The following SNX9 variants were observed in gnomAD, a reference collection of about 807,000 sequenced individuals.
The protein encoded by SNX9 is sorting nexin-9.
Under a neutral mutation model 89.4 loss-of-function variants are expected in SNX9, and 44 were observed. That is an observed-to-expected ratio of 0.49 (90% CI 0.39 to 0.63). SNX9 has a LOEUF of 0.63. SNX9 is among the 30% of genes least tolerant of loss of function. The pLI, the probability that SNX9 is intolerant of heterozygous loss-of-function variation, is 0.00. For synonymous variants in SNX9, 236 were observed against 247.8 expected (o/e 0.95, Z 0.45); for missense variants, 578 against 736.1 (o/e 0.79, Z 2.49).
rs1784077749 is a variant in SNX9 at position 157,943,163 on chromosome 6, CTTATAAA to C, written c.*332_*338del. On this transcript the variant is annotated 3_prime_UTR_variant, in exon 18 of 18. Coordinates refer to ENST00000392185, the MANE Select transcript of SNX9 (RefSeq NM_016224.5). ...TTACATAGAGTCATAATTTATATGT[CTTATAAA>C]TTATAAGTCTTATATAATTTATAAG... is the stretch of plus-strand genomic sequence containing the variant. 4.8e-6 allele frequency: 1 copy of C among 206,724 alleles called. No individual in the cohort carries two copies. The highest frequency in any genetic ancestry group is 9.5e-6 in the Non-Finnish European group (1 of 104,900). The allele number at this position is 206,724 out of a possible 1,614,324, so 12.8% of individuals were successfully genotyped here.
rs548835687 is a variant in SNX9, at chr6:157,878,479, G to A, written c.300+3303G>A. On this transcript the variant is annotated intron_variant, in intron 4 of 17. Transcript: ENST00000392185. Reference sequence around the variant, plus strand: ...GAGTCTCGCTCAGTCGCTCAGGCTGGAGTGCAGTGGCGTGATGTCAGCTCA... The same window carrying A: ...GAGTCTCGCTCAGTCGCTCAGGCTGAAGTGCAGTGGCGTGATGTCAGCTCA... Among the ~76,000 whole-genome samples, 15 of 151,178 alleles carry A rather than the reference G, an allele frequency of 9.9e-5. No homozygotes were observed. The South Asian group carries it at 2.3e-3, about 23-fold the overall frequency.
chr6:157,848,832 G>T (rs954539528), intron 1 of SNX9, among the ~76,000 whole-genome samples: 1 of 152,222 alleles, frequency 6.6e-6, no homozygotes, highest in Non-Finnish European at 1.5e-5. Flanking sequence ...GGATAGATAC[G>T]TAACCGATTT....
At chr6:157,895,128 T>C (rs1311302195) in intron 4 of SNX9, among the ~76,000 whole-genome samples, 1 of 152,216 alleles carries the variant, frequency 6.6e-6, no homozygotes, top group Non-Finnish European at 1.5e-5. Flanking sequence ...TTGTTGACTT[T>C]GAGGTGAGAT....
At position 157,867,579 on chromosome 6, in the gene SNX9, T is replaced by C. The variant is rs932400046; in HGVS notation, c.45T>C (p.Pro15=). ...ARVMYDFAAE[P]GNNELTVNEG... ...TTATGTATGATTTTGCTGCTGAACC[T>C]GGAAATAATGAACTGACGGTTAATG... Residue 15 remains proline (P), a synonymous_variant, in exon 2 of 18, where the codon CCT becomes CCC. Transcript: ENST00000392185. 3 of 1,612,828 alleles carry C rather than the reference T, an allele frequency of 1.9e-6. No individual in the cohort carries two copies. In the African/African-American group the frequency reaches 4.0e-5, roughly 22 times the overall value.
rs747690103 is a variant in SNX9 at position 157,873,056 on chromosome 6, C to G, written c.100-46C>G. ...CACACAAAATTTCTCCAGGAAATCT[C>G]AACTGTAATCTTTTTCTTTTTTTTT... On this transcript the variant is annotated intron_variant, in intron 2 of 17. Coordinates refer to ENST00000392185, the MANE Select transcript of SNX9 (RefSeq NM_016224.5). 3.4e-6 allele frequency: 5 copies of G among 1,464,700 alleles called. 1 individual carries two copies. The highest frequency in any genetic ancestry group is 4.4e-5 in the Admixed American group (2 of 45,896). The allele number at this position is 1,464,700 out of a possible 1,614,324, so 90.7% of individuals were successfully genotyped here.
intron 9 of SNX9, among the ~76,000 whole-genome samples, chr6:157,911,561 G>A (rs1274504251): frequency 6.6e-6 from 1 of 152,160 alleles, no homozygotes; most frequent in Non-Finnish European, 1.5e-5. Context: ...TCACAGATAG[G>A]CATTTTCATC....
intron 10 of SNX9, among the ~76,000 whole-genome samples, chr6:157,923,951 C>A (rs1562619846): frequency 6.6e-6 from 1 of 152,288 alleles, no homozygotes; most frequent in South Asian, 2.1e-4. Context: ...GTTTTTAAAA[C>A]ATGTCCCAGG....
At chr6:157,873,919 C>T (rs183845441) in intron 3 of SNX9, among the ~76,000 whole-genome samples, 1,547 of 152,240 alleles carry the variant, frequency 0.01, 7 homozygotes, top group Non-Finnish European at 0.011. Context: ...AACCACCTGG[C>T]GCCCCCTGCT....
chr6:157,838,157 C>T (rs915907577), intron 1 of SNX9, among the ~76,000 whole-genome samples: 1 of 151,952 alleles, frequency 6.6e-6, no homozygotes, highest in Non-Finnish European at 1.5e-5. Flanking sequence ...GGACTACAGG[C>T]ATGCATCACC....
chr6:157,837,247 C>T (rs1177091541), intron 1 of SNX9, among the ~76,000 whole-genome samples: 1 of 152,142 alleles, frequency 6.6e-6, no homozygotes, highest in Non-Finnish European at 1.5e-5. Context: ...TGCAAAATGT[C>T]TCAACACTGT....
chr6:157,878,547 G>A (rs971591321), intron 4 of SNX9, among the ~76,000 whole-genome samples: 2 of 151,098 alleles, frequency 1.3e-5, no homozygotes, highest in East Asian at 1.9e-4. Context: ...ATTCTCCTGC[G>A]TCAATCTCCT....
At chr6:157,825,252 A>G (rs1032294125) in intron 1 of SNX9, among the ~76,000 whole-genome samples, 2 of 152,114 alleles carry the variant, frequency 1.3e-5, no homozygotes, top group Non-Finnish European at 2.9e-5. Context: ...CGTTTGAAAA[A>G]AGAAAAGACG....
intron 1 of SNX9, among the ~76,000 whole-genome samples, chr6:157,863,000 C>T (rs765089077): frequency 6.6e-6 from 1 of 152,316 alleles, no homozygotes; most frequent in South Asian, 2.1e-4. Context: ...GTCCTTCAAA[C>T]AGGACACTGT....
intron 1 of SNX9, among the ~76,000 whole-genome samples, chr6:157,855,217 A>G (rs1314734373): frequency 6.6e-6 from 1 of 152,206 alleles, no homozygotes; most frequent in African/African-American, 2.4e-5. Flanking sequence ...CCACACCAGA[A>G]AAGTAAGCAA....
At chr6:157,926,097 T>C (rs1326035610) in intron 10 of SNX9, among the ~76,000 whole-genome samples, 1 of 152,202 alleles carries the variant, frequency 6.6e-6, no homozygotes, top group Admixed American at 6.5e-5. Context: ...CTCTTAATAT[T>C]ATCACATTGG....
In SNX9 at chr6:157,909,742, C is replaced by T; in HGVS notation, c.783C>T (p.Ser261=). Residue 261 remains serine, a synonymous_variant, in exon 8 of 18, where the codon TCC becomes TCT. Transcript: ENST00000392185. ...TGGTAGCAGATCCCAGGAAAGGCTC[C>T]AAAATGTATGGTCTAAAGAGCTACA... ...DCVVADPRKG[S]KMYGLKSYIE... The T allele has an allele frequency of 6.2e-7, 1 of 1,614,152 alleles. No homozygotes were observed.
At chr6:157,864,603 A>G (rs16900476) in intron 1 of SNX9, among the ~76,000 whole-genome samples, 19,145 of 152,190 alleles carry the variant, frequency 0.13, 1,957 homozygotes, top group African/African-American at 0.28. Context: ...CAGGTTCCTC[A>G]TGCCCGTGAG....
chr6:157,910,869 C>T lies in SNX9; in HGVS notation c.949+844C>T, dbSNP rs553798866. The stretch of plus-strand genomic sequence containing the variant: ...GGTTGTGTGCCAGGTGCAGTGGCAT[C>T]CCAGCACTTTGGGAGGCCGAGGCGG... On this transcript the variant is annotated intron_variant, in intron 9 of 17. Coordinates refer to ENST00000392185, the MANE Select transcript of SNX9 (RefSeq NM_016224.5). Among the ~76,000 whole-genome samples, 14 of 152,306 alleles carry T rather than the reference C, an allele frequency of 9.2e-5. No individual in the cohort carries two copies. The East Asian group carries it at 2.1e-3, about 23-fold the overall frequency.
At chr6:157,870,458 C>T (rs1356428485) in intron 2 of SNX9, among the ~76,000 whole-genome samples, 2 of 151,750 alleles carry the variant, frequency 1.3e-5, no homozygotes, top group African/African-American at 4.8e-5. Flanking sequence ...GCAGCACTCA[C>T]CCGTGCAAGC....
Sources: allele counts gnomAD v4.1 joint callset (sites outside exome capture counted in the v4.1 genomes callset), GRCh38; gene constraint gnomAD v4.1.1; transcripts MANE v1.5; gene names NCBI Gene and HGNC (gene_info 2026-07-23, HGNC 2026-07-21).